The following ZNF385D variants were observed in gnomAD, a reference collection of about 807,000 sequenced individuals.
ZNF385D encodes zinc finger protein 385D, also known as zinc finger protein 659.
A neutral mutation model predicts 35.8 loss-of-function variants in ZNF385D; 15 were observed. The observed-to-expected ratio is 0.42, with a 90% CI of 0.28 to 0.64. ZNF385D has a LOEUF of 0.64. Among genes scored for constraint, ZNF385D ranks in the 30% least tolerant of loss-of-function variants. ZNF385D has a pLI of 0.23. For missense variants in ZNF385D, 474 were observed against 494.6 expected (o/e 0.96, Z 0.39); for synonymous variants, 212 against 186.8 (o/e 1.13, Z -1.10).
At chr3:22,343,355 T>A (rs1437373690) in intron 2 of ZNF385D, among the ~76,000 whole-genome samples, 1 of 152,254 alleles carries the variant, frequency 6.6e-6, no homozygotes, top group East Asian at 1.9e-4. Flanking sequence ...TGTCCACACA[T>A]ACTTCCTCTT....
At chr3:22,057,330 A>C (rs951689755) in intron 3 of ZNF385D, among the ~76,000 whole-genome samples, 1 of 152,226 alleles carries the variant, frequency 6.6e-6, no homozygotes, top group African/African-American at 2.4e-5. Flanking sequence ...AGTGACTAGC[A>C]CTGTTCCTGG....
chr3:21,518,666 G>GT (rs532071380), intron 3 of ZNF385D, among the ~76,000 whole-genome samples: 38 of 151,926 alleles, frequency 2.5e-4, no homozygotes, highest in Non-Finnish European at 5.0e-4. Context: ...TATACTTATG[G>GT]TTTTTTTATT....
chr3:22,034,976 T>A (rs1050716056), intron 3 of ZNF385D, among the ~76,000 whole-genome samples: 1 of 152,086 alleles, frequency 6.6e-6, no homozygotes, highest in South Asian at 2.1e-4. Flanking sequence ...ATAGGAAAAA[T>A]TTATAAAATG....
intron 2 of ZNF385D, among the ~76,000 whole-genome samples, chr3:22,171,822 A>C (rs2125763021): frequency 6.8e-6 from 1 of 147,110 alleles, no homozygotes; most frequent in East Asian, 2.1e-4. Flanking sequence ...GCTTGCAGTG[A>C]GCCGAGATCA....
In ZNF385D at chr3:21,419,026, A is replaced by G. The variant is rs973190896; in HGVS notation, c.*2188T>C. 6.6e-6 allele frequency: 1 copy of G among 152,156 alleles called. No individual in the cohort carries two copies. The highest frequency in any genetic ancestry group is 2.4e-5 in the African/African-American group (1 of 41,438). The allele number at this position is 152,156 out of a possible 1,614,324, so 9.4% of individuals were successfully genotyped here. ...TAGAGATGCTGGTAAATGCAAAATCACCAGATACTTTCAAAACAAATTTTA... is the reference window on the plus strand; with the variant it reads ...TAGAGATGCTGGTAAATGCAAAATCGCCAGATACTTTCAAAACAAATTTTA... On this transcript the variant is annotated 3_prime_UTR_variant, in exon 8 of 8. Coordinates refer to ENST00000281523, the MANE Select transcript of ZNF385D (RefSeq NM_024697.3).
chr3:21,961,060 GAGA>G (rs559334378), intron 3 of ZNF385D, among the ~76,000 whole-genome samples: 32 of 152,202 alleles, frequency 2.1e-4, no homozygotes, highest in African/African-American at 7.0e-4. Flanking sequence ...ACAGCTACAA[GAGA>G]AGATTTTTGA....
At chr3:21,892,654 C>T (rs259523) in intron 3 of ZNF385D, among the ~76,000 whole-genome samples, 89,831 of 151,966 alleles carry the variant, frequency 0.59, 27,019 homozygotes, top group South Asian at 0.7. Flanking sequence ...CTTTAACAGA[C>T]TTTAAATTTA....
intron 3 of ZNF385D, among the ~76,000 whole-genome samples, chr3:22,013,287 T>C (rs185193873): frequency 2.3e-4 from 35 of 152,304 alleles, no homozygotes; most frequent in African/African-American, 7.2e-4. Context: ...CAGGTTATTA[T>C]ACATAGTATA....
intron 2 of ZNF385D, among the ~76,000 whole-genome samples, chr3:21,611,058 A>G (rs546851944): frequency 7.8e-4 from 119 of 152,334 alleles, no homozygotes; most frequent in African/African-American, 2.8e-3. Flanking sequence ...TTACTTCTTC[A>G]AAGTCAGCAA....
At chr3:22,165,784 C>A (rs1706274953) in intron 3 of ZNF385D, among the ~76,000 whole-genome samples, 1 of 152,136 alleles carries the variant, frequency 6.6e-6, no homozygotes, top group African/African-American at 2.4e-5. Flanking sequence ...GAATTCTTGG[C>A]AACTCTTGCC....
chr3:21,967,530 C>T (rs6765798), intron 3 of ZNF385D, among the ~76,000 whole-genome samples: 37,891 of 152,070 alleles, frequency 0.25, 5,179 homozygotes, highest in East Asian at 0.32. Context: ...TCCTAAAGGG[C>T]CAGTTCCTGG....
chr3:21,953,477 A>C (rs1445904214), intron 3 of ZNF385D, among the ~76,000 whole-genome samples: 9 of 152,056 alleles, frequency 5.9e-5, no homozygotes, highest in African/African-American at 2.2e-4. Context: ...TTTCAGCAAG[A>C]TTAAATATTT....
At chr3:22,291,042 C>T (rs1702276876) in intron 2 of ZNF385D, among the ~76,000 whole-genome samples, 1 of 152,092 alleles carries the variant, frequency 6.6e-6, no homozygotes, top group African/African-American at 2.4e-5. Flanking sequence ...CTTGAGCAAA[C>T]CTCCATTACT....
chr3:22,208,456 T>C (rs180810934), intron 2 of ZNF385D, among the ~76,000 whole-genome samples: 29 of 151,448 alleles, frequency 1.9e-4, no homozygotes, highest in Non-Finnish European at 3.4e-4. Context: ...GTGGGGTGGG[T>C]AGATGGGTGG....
intron 3 of ZNF385D, among the ~76,000 whole-genome samples, chr3:22,110,606 G>T (rs561330046): frequency 3.9e-5 from 6 of 152,046 alleles, no homozygotes; most frequent in Non-Finnish European, 5.9e-5. Context: ...CATGGACACA[G>T]GAAGGGGAAC....
chr3:21,622,274 T>C lies in ZNF385D; in HGVS notation c.165+42612A>G, dbSNP rs192056890. On this transcript the variant is annotated intron_variant, in intron 2 of 7. Coordinates refer to ENST00000281523, the MANE Select transcript of ZNF385D (RefSeq NM_024697.3). ...GTCAAAAGCAGTTGTCTTCAGACTT[T>C]CAATATCTTAAATTTGCCTTGACAC... is the stretch of plus-strand genomic sequence containing the variant. 1.3e-3 allele frequency among the ~76,000 whole-genome samples: 196 copies of C among 152,282 alleles called. 1 individual carries two copies. Among genetic ancestry groups the C allele is most frequent in the East Asian group, 5.8e-4 (3 of 5,166 alleles).
rs189668294 is a variant in ZNF385D, at chr3:22,027,488, G to A, written c.325+141329C>T. Among the ~76,000 whole-genome samples, 448 of 152,282 alleles carry A rather than the reference G, an allele frequency of 2.9e-3. 2 individuals are homozygous for A. Among genetic ancestry groups the A allele is most frequent in the African/African-American group, 0.011 (438 of 41,550 alleles). On this transcript the variant is annotated intron_variant, in intron 3 of 5. Transcript: ENST00000494108. ...TGATGAATCACAGTGGAGGCCTCTA[G>A]GATTTTGGAGCAAGGTCCTGCCATC...
At chr3:21,752,294 A>G (rs2070140445), upstream of ZNF385D, among the ~76,000 whole-genome samples, 1 of 152,146 alleles carries the variant, frequency 6.6e-6, no homozygotes, top group Non-Finnish European at 1.5e-5. Context: ...GAACTTATAA[A>G]TTTCTATAGA....
chr3:21,895,488 TG>T (rs960527978), intron 3 of ZNF385D, among the ~76,000 whole-genome samples: 1 of 148,976 alleles, frequency 6.7e-6, no homozygotes, highest in Non-Finnish European at 1.5e-5. Flanking sequence ...GCACCATGCC[TG>T]GCTAATTTTT....
Sources: gnomAD v4.1 joint callset for allele counts (sites outside exome capture counted in the v4.1 genomes callset) on GRCh38, gnomAD v4.1.1 for gene constraint, MANE v1.5 for transcripts, NCBI Gene and HGNC (gene_info 2026-07-23, HGNC 2026-07-21) for gene names.